The following TDP1 variants were observed in gnomAD, a reference collection of about 807,000 sequenced individuals.
The protein encoded by TDP1 is tyr-DNA phosphodiesterase 1.
Under a neutral mutation model 81.5 loss-of-function variants are expected in TDP1, and 64 were observed. The ratio of observed to expected loss-of-function variants is 0.79; its 90% confidence interval spans 0.64 to 0.97. TDP1 has a LOEUF of 0.97. Among genes scored for constraint, TDP1 ranks in the 50% least tolerant of loss-of-function variants. The pLI is 0.00. For synonymous variants in TDP1, 256 were observed against 264.3 expected (o/e 0.97, Z 0.30); for missense variants, 723 against 743.8 (o/e 0.97, Z 0.33).
chr14:89,987,788 T>G (rs544671081), intron 10 of TDP1, among the ~76,000 whole-genome samples: 29 of 152,076 alleles, frequency 1.9e-4, no homozygotes, highest in African/African-American at 7.0e-4. Flanking sequence ...AAAGGAAAGG[T>G]AAAAGGTTAT....
chr14:90,030,276 G>A lies in TDP1; in HGVS notation c.1645-2830G>A, dbSNP rs561782394. ...CTGTGTCAGTGCCCTCGCCCTCCCG[G>A]GATGTGCCTGCTCTGTGCTTTGCTG... On this transcript the variant is annotated intron_variant, in intron 15 of 16. Transcript: ENST00000335725. Among the ~76,000 whole-genome samples, 10 of 152,250 alleles carry A rather than the reference G, an allele frequency of 6.6e-5. 1 individual carries two copies. In the South Asian group the frequency reaches 2.1e-3, roughly 32 times the overall value.
intron 15 of TDP1, 24 bp from the exon 16 acceptor site, chr14:90,033,080 CAT>C (rs771611484): frequency 1.4e-6 from 2 of 1,478,334 alleles, no homozygotes; most frequent in East Asian, 4.5e-5. Context: ...GGGGTGCAAT[CAT>C]AGATTTCCTC....
intron 15 of TDP1, among the ~76,000 whole-genome samples, chr14:90,026,759 T>C (rs532177938): frequency 6.6e-6 from 1 of 152,312 alleles, no homozygotes; most frequent in African/African-American, 2.4e-5. Context: ...GGTTTCCAGC[T>C]TCATCCATGT....
chr14:90,031,088 AAC>A (rs1268556321), intron 15 of TDP1, among the ~76,000 whole-genome samples: 4 of 152,042 alleles, frequency 2.6e-5, no homozygotes, highest in South Asian at 4.2e-4. Flanking sequence ...CACTTTTACA[AAC>A]ACAGAACATT....
intron 11 of TDP1, chr14:89,989,426 A>T (rs1465899010): frequency 1.0e-6 from 1 of 983,916 alleles, no homozygotes; most frequent in African/African-American, 1.7e-5. Flanking sequence ...AATTATGGGC[A>T]TTTTAATTAT....
At chr14:89,965,154 C>T (rs192203134) in intron 3 of TDP1, among the ~76,000 whole-genome samples, 4 of 152,222 alleles carry the variant, frequency 2.6e-5, no homozygotes, top group African/African-American at 9.6e-5. Context: ...TAAGGTAGAA[C>T]CTTCCTTAAC....
chr14:89,960,208 C>T (rs1366516593), intron 2 of TDP1, among the ~76,000 whole-genome samples: 1 of 152,098 alleles, frequency 6.6e-6, no homozygotes, highest in Non-Finnish European at 1.5e-5. Flanking sequence ...TGTATTGTAA[C>T]AGCTTAAATA....
intron 3 of TDP1, among the ~76,000 whole-genome samples, chr14:89,963,912 G>A (rs957343432): frequency 1.1e-4 from 16 of 152,198 alleles, no homozygotes; most frequent in Admixed American, 3.3e-4. Flanking sequence ...CACTTAGCAC[G>A]ATGTTTAGCA....
At chr14:89,975,539 T>C (rs1429884412) in intron 6 of TDP1, 4 of 927,636 alleles carry the variant, frequency 4.3e-6, no homozygotes, top group Non-Finnish European at 5.1e-6. Context: ...AAATGTAGTA[T>C]ATATTCTGTA....
At chr14:89,977,331 T>C (rs1361482429) in intron 7 of TDP1, among the ~76,000 whole-genome samples, 2 of 152,194 alleles carry the variant, frequency 1.3e-5, no homozygotes, top group Non-Finnish European at 2.9e-5. Flanking sequence ...ACAGTCTCGC[T>C]CTGTTGCCCA....
At chr14:90,030,149 CAT>C (rs1011202822) in intron 15 of TDP1, among the ~76,000 whole-genome samples, 5 of 152,192 alleles carry the variant, frequency 3.3e-5, no homozygotes, top group African/African-American at 9.6e-5. Context: ...TCAAAGGTAA[CAT>C]GTGAGCAGGG....
chr14:89,981,557 C>T, intron 8 of TDP1: 1 of 442,902 alleles, frequency 2.3e-6, no homozygotes, highest in South Asian at 1.6e-5. Flanking sequence ...AGCACCATTT[C>T]CAGGTTCACG....
chr14:89,975,273 C>T (rs1388649521), intron 6 of TDP1: 2 of 276,264 alleles, frequency 7.2e-6, no homozygotes, highest in Non-Finnish European at 1.1e-5. Flanking sequence ...AAACGGGGTT[C>T]CACTGCGTTA....
intron 14 of TDP1, 92 bp downstream of exon 14, chr14:89,993,575 T>C: frequency 6.5e-7 from 1 of 1,539,172 alleles, no homozygotes; most frequent in Non-Finnish European, 8.8e-7. Context: ...AAAAAGTGAT[T>C]AGTGAGTTGT....
rs367867810 is a variant in TDP1, at chr14:90,019,441, A to G, written c.1644+23A>G. Reference sequence around the variant, plus strand: ...TTTGTAAGTTTACACTTCCAACTGCACAGTGGGTCACATGGGAGATGAATT... The same window carrying G: ...TTTGTAAGTTTACACTTCCAACTGCGCAGTGGGTCACATGGGAGATGAATT... On this transcript the variant is annotated intron_variant, in intron 15 of 16. Transcript: ENST00000335725. 6.6e-6 allele frequency: 8 copies of G among 1,216,538 alleles called. No individual in the cohort carries two copies. In the African/African-American group the frequency reaches 1.2e-4, roughly 18 times the overall value. 75.4% of individuals were successfully genotyped at this position (1,216,538 alleles called of 1,614,324 possible).
chr14:89,976,554 T>TA (rs1894356230), intron 7 of TDP1, among the ~76,000 whole-genome samples: 2 of 141,846 alleles, frequency 1.4e-5, no homozygotes, highest in Middle Eastern at 3.8e-3. Context: ...TTTTTTTTTT[T>TA]TAGACAGAGT....
chr14:89,974,246 A>G lies in TDP1; in HGVS notation c.757-1535A>G, dbSNP rs75745280. Among the ~76,000 whole-genome samples, 232 of 152,232 alleles carry G rather than the reference A, an allele frequency of 1.5e-3. 2 individuals carry two copies. The highest frequency in any genetic ancestry group is 3.4e-3 in the Middle Eastern group (1 of 294). On this transcript the variant is annotated intron_variant, in intron 6 of 16. Coordinates refer to ENST00000335725, the MANE Select transcript of TDP1 (RefSeq NM_018319.4). ...GCCCAAAAACAGCACCCAGTAAACA[A>G]TATCTATTGAAGCTATTATCCTTGT... is the stretch of plus-strand genomic sequence containing the variant.
At chr14:90,014,238 T>G (rs1362936897) in intron 14 of TDP1, among the ~76,000 whole-genome samples, 1 of 152,216 alleles carries the variant, frequency 6.6e-6, no homozygotes, top group Non-Finnish European at 1.5e-5. Context: ...AAATTAAAGA[T>G]TATGTTCCTG....
chr14:89,998,526 A>T (rs545328322), intron 14 of TDP1, among the ~76,000 whole-genome samples: 1 of 150,444 alleles, frequency 6.6e-6, no homozygotes, highest in Non-Finnish European at 1.5e-5. Flanking sequence ...CCCTTTTCAG[A>T]TGGAAGAACT....
Sources: gnomAD v4.1 joint callset for allele counts (sites outside exome capture counted in the v4.1 genomes callset) on GRCh38, gnomAD v4.1.1 for gene constraint, MANE v1.5 for transcripts, NCBI Gene and HGNC (gene_info 2026-07-23, HGNC 2026-07-21) for gene names.